The following PITPNB variants were observed in gnomAD, a reference collection of about 807,000 sequenced individuals.
PITPNB encodes phosphatidylinositol transfer protein beta, also known as phosphatidylinositol transfer protein beta isoform.
PITPNB carries 16 observed loss-of-function variants against 45.9 expected under a neutral mutation model. The ratio of observed to expected loss-of-function variants is 0.35; its 90% CI spans 0.24 to 0.53. The LOEUF (loss-of-function observed/expected upper bound fraction) is 0.53. PITPNB is among the 20% of genes least tolerant of loss of function. The pLI, the probability that PITPNB is intolerant of heterozygous loss-of-function variation, is 0.93. For missense variants in PITPNB, 188 were observed against 330.5 expected (o/e 0.57, Z 3.34); for synonymous variants, 112 against 108.9 (o/e 1.03, Z -0.18).
chr22:27,898,206 T>C, intron 3 of PITPNB: 3 of 274,608 alleles, frequency 1.1e-5, no homozygotes, highest in Non-Finnish European at 2.1e-5. Flanking sequence ...TGAAACCCTG[T>C]CTCTACAAAA....
chr22:27,882,606 A>G (rs1236390270), intron 7 of PITPNB, among the ~76,000 whole-genome samples: 1 of 152,194 alleles, frequency 6.6e-6, no homozygotes, highest in African/African-American at 2.4e-5. Context: ...AAGCCCAACA[A>G]TCCCATTATA....
intron 7 of PITPNB, among the ~76,000 whole-genome samples, chr22:27,877,016 T>C (rs1329841895): frequency 6.6e-6 from 1 of 152,228 alleles, no homozygotes; most frequent in Non-Finnish European, 1.5e-5. Context: ...CTTCAGCTCC[T>C]GGGTATTCTG....
At chr22:27,893,287 CT>C (rs33997388) in intron 7 of PITPNB, among the ~76,000 whole-genome samples, 212 of 141,286 alleles carry the variant, frequency 1.5e-3, no homozygotes, top group Admixed American at 3.0e-3. Flanking sequence ...CTGTTTTTTC[CT>C]TTTTTTTTTT....
chr22:27,881,771 T>TG (rs1326254841), intron 7 of PITPNB, among the ~76,000 whole-genome samples: 6 of 152,232 alleles, frequency 3.9e-5, no homozygotes, highest in African/African-American at 1.4e-4. Flanking sequence ...AAAGGACTGC[T>TG]GACCATTTAG....
At chr22:27,866,420 A>G (rs1204095732) in intron 8 of PITPNB, among the ~76,000 whole-genome samples, 1 of 152,244 alleles carries the variant, frequency 6.6e-6, no homozygotes. Flanking sequence ...AGAGGCACAC[A>G]ATGTAACTAA....
rs528815079 is a variant in PITPNB, at chr22:27,899,184, TGA to T, written c.198-1294_198-1293del. Reference sequence around the variant, plus strand: ...GTGTTTAGCACATTGCACAGTACAATGAGCTCAAAAAATGGTAGTTACTGCTT... The same window carrying T: ...GTGTTTAGCACATTGCACAGTACAATGCTCAAAAAATGGTAGTTACTGCTT... On this transcript the variant is annotated intron_variant, in intron 3 of 11. Coordinates refer to ENST00000335272, the MANE Select transcript of PITPNB (RefSeq NM_012399.5). Among the ~76,000 whole-genome samples, 39 of 152,310 alleles carry T rather than the reference TGA, an allele frequency of 2.6e-4. No homozygotes were observed. In the South Asian group the frequency reaches 7.5e-3, roughly 29 times the overall value.
intron 2 of PITPNB, 93 bp from the exon 3 acceptor site, chr22:27,911,202 A>G: frequency 1.2e-6 from 1 of 834,830 alleles, no homozygotes; most frequent in Non-Finnish European, 1.9e-6. Context: ...TGATATAGAA[A>G]AGCATATCCA....
At chr22:27,860,302 T>C (rs1934287733) in intron 8 of PITPNB, 61 bp from the exon 9 acceptor site, 2 of 999,168 alleles carry the variant, frequency 2.0e-6, no homozygotes, top group Admixed American at 4.2e-5. Context: ...TTCATTAAAA[T>C]TGACTGTTGT....
chr22:27,858,258 T>C, intron 10 of PITPNB, 129 bp downstream of exon 10: 1 of 702,424 alleles, frequency 1.4e-6, no homozygotes, highest in Non-Finnish European at 2.3e-6. Context: ...TCCATTTTGA[T>C]GAGAATAAGT....
chr22:27,875,742 TAGCACACC>T (rs1171825552), intron 7 of PITPNB, among the ~76,000 whole-genome samples: 1 of 152,114 alleles, frequency 6.6e-6, no homozygotes, highest in Non-Finnish European at 1.5e-5. Flanking sequence ...ATATAGAAGG[TAGCACACC>T]AGACGTTATT....
chr22:27,880,896 C>T (rs1934950927), intron 7 of PITPNB, among the ~76,000 whole-genome samples: 1 of 152,220 alleles, frequency 6.6e-6, no homozygotes, highest in Non-Finnish European at 1.5e-5. Flanking sequence ...GCTGGGATTA[C>T]AGGCGTGAGC....
chr22:27,906,283 T>C (rs1377511383), intron 3 of PITPNB, among the ~76,000 whole-genome samples: 1 of 152,200 alleles, frequency 6.6e-6, no homozygotes, highest in Non-Finnish European at 1.5e-5. Context: ...AGGGTTTTTG[T>C]TCTGGATGGA....
chr22:27,902,814 G>A (rs1978581746), intron 3 of PITPNB, among the ~76,000 whole-genome samples: 1 of 152,116 alleles, frequency 6.6e-6, no homozygotes, highest in Non-Finnish European at 1.5e-5. Flanking sequence ...TAACTTCTGG[G>A]CTCAAGCGAT....
chr22:27,884,371 C>T (rs1389591900), intron 7 of PITPNB, among the ~76,000 whole-genome samples: 1 of 152,152 alleles, frequency 6.6e-6, no homozygotes, highest in East Asian at 1.9e-4. Flanking sequence ...AAAAGATGAA[C>T]GTGATATGAA....
chr22:27,917,455 C>G (rs1936114204), intron 1 of PITPNB, among the ~76,000 whole-genome samples: 1 of 152,202 alleles, frequency 6.6e-6, no homozygotes. Context: ...GTCTGCCACC[C>G]ATCTACCCAC....
intron 7 of PITPNB, among the ~76,000 whole-genome samples, chr22:27,890,405 C>CT (rs1935240423): frequency 6.6e-6 from 1 of 151,672 alleles, no homozygotes; most frequent in African/African-American, 2.4e-5. Context: ...CGTAACAGTT[C>CT]TTTAATTATC....
intron 6 of PITPNB, 23 bp downstream of exon 6, chr22:27,896,529 A>G: frequency 6.5e-7 from 1 of 1,535,954 alleles, no homozygotes; most frequent in Non-Finnish European, 9.0e-7. Context: ...CTTTTGTACT[A>G]AAAGTGCAGA....
At chr22:27,859,667 G>C (rs544101476) in intron 9 of PITPNB, among the ~76,000 whole-genome samples, 1 of 152,284 alleles carries the variant, frequency 6.6e-6, no homozygotes, top group South Asian at 2.1e-4. Context: ...CCATTTTTCA[G>C]TAAAGACCTC....
intron 3 of PITPNB, among the ~76,000 whole-genome samples, chr22:27,903,428 C>T (rs1367741210): frequency 2.8e-5 from 4 of 144,782 alleles, no homozygotes; most frequent in African/African-American, 1.0e-4. Context: ...GAGATCACGC[C>T]ATTGCACTCT....
Sources: gnomAD v4.1 joint callset for allele counts (sites outside exome capture counted in the v4.1 genomes callset) on GRCh38, gnomAD v4.1.1 for gene constraint, MANE v1.5 for transcripts, NCBI Gene and HGNC (gene_info 2026-07-23, HGNC 2026-07-21) for gene names.